CDH8: variants seen among roughly 807,000 people sequenced by gnomAD.
CDH8 encodes cadherin-8.
Under a neutral mutation model 68.1 loss-of-function variants are expected in CDH8, and 17 were observed. The observed-to-expected ratio is 0.25, with a 90% CI of 0.17 to 0.37. The LOEUF is 0.37. CDH8 is among the 10% of genes least tolerant of loss of function. The pLI is 1.00. For synonymous variants in CDH8, 372 were observed against 365.1 expected, an observed-to-expected ratio of 1.02 and a Z score of -0.21; for missense variants, 763 against 999.3, an observed-to-expected ratio of 0.76 and a Z score of 3.19.
chr16:61,971,137 A>T (rs1239811587), intron 2 of CDH8, among the ~76,000 whole-genome samples: 3 of 152,114 alleles, frequency 2.0e-5, no homozygotes, highest in African/African-American at 7.2e-5. Flanking sequence ...CTATCCCAAA[A>T]CTTATAAGAA....
At chr16:62,005,935 T>G (rs970438776) in intron 2 of CDH8, among the ~76,000 whole-genome samples, 1 of 152,142 alleles carries the variant, frequency 6.6e-6, no homozygotes, top group African/African-American at 2.4e-5. Context: ...ACTGGCATGC[T>G]GCAAGATTTA....
intron 8 of CDH8, among the ~76,000 whole-genome samples, chr16:61,763,081 G>A (rs1960507956): frequency 6.6e-6 from 1 of 152,124 alleles, no homozygotes; most frequent in Non-Finnish European, 1.5e-5. Flanking sequence ...CTCATAAGGA[G>A]GCCACCCAGG....
chr16:61,727,378 C>G (rs1959405114), intron 8 of CDH8, among the ~76,000 whole-genome samples, 163 bp from the exon 9 acceptor site: 1 of 150,300 alleles, frequency 6.7e-6, no homozygotes, highest in South Asian at 2.1e-4. Context: ...ATAGCAAGTG[C>G]TTGACTGCTT....
At chr16:61,796,121 A>T (rs1961495077) in intron 7 of CDH8, among the ~76,000 whole-genome samples, 1 of 152,068 alleles carries the variant, frequency 6.6e-6, no homozygotes. Context: ...TAGTACTAAA[A>T]ATATGAGGAA....
chr16:61,707,429 C>A (rs758985355), intron 10 of CDH8, among the ~76,000 whole-genome samples: 11 of 152,090 alleles, frequency 7.2e-5, no homozygotes, highest in Non-Finnish European at 1.6e-4. Context: ...CCTAAATATT[C>A]CTAACTATAA....
intron 10 of CDH8, 50 bp downstream of exon 10, chr16:61,713,791 C>T: frequency 1.0e-6 from 1 of 976,152 alleles, no homozygotes; most frequent in Non-Finnish European, 1.6e-6. Context: ...AAATTGCATC[C>T]TATTTTCCAA....
intron 2 of CDH8, chr16:61,918,310 A>AT (rs1964282887): frequency 6.5e-6 from 1 of 154,968 alleles, no homozygotes; most frequent in East Asian, 1.9e-4. Context: ...ATCAGGGAGG[A>AT]GCCAAGATGG....
At chr16:61,830,483 C>T (rs1272623034) in intron 4 of CDH8, among the ~76,000 whole-genome samples, 1 of 151,696 alleles carries the variant, frequency 6.6e-6, no homozygotes, top group Non-Finnish European at 1.5e-5. Context: ...TCGCTATTTG[C>T]CAGAATAGTT....
chr16:61,778,660 T>C (rs1215609944), intron 8 of CDH8, among the ~76,000 whole-genome samples: 1 of 152,190 alleles, frequency 6.6e-6, no homozygotes, highest in Middle Eastern at 3.2e-3. Context: ...CGTAGTACTA[T>C]CATTTTTATT....
chr16:61,882,504 A>G (rs1446614644), intron 3 of CDH8, among the ~76,000 whole-genome samples: 1 of 152,186 alleles, frequency 6.6e-6, no homozygotes, highest in Non-Finnish European at 1.5e-5. Context: ...CTACTTCTCA[A>G]CAGTTCCAAA....
intron 8 of CDH8, among the ~76,000 whole-genome samples, chr16:61,748,273 T>C (rs1349351971): frequency 6.6e-6 from 1 of 152,056 alleles, no homozygotes; most frequent in Non-Finnish European, 1.5e-5. Flanking sequence ...TATTGAACAC[T>C]TATTTTCAGG....
At position 61,647,605 on chromosome 16, in the gene CDH8, T is replaced by C. The variant is rs2142724489; in HGVS notation, c.*6003A>G. On this transcript the variant is annotated 3_prime_UTR_variant, in exon 12 of 12. Coordinates refer to ENST00000577390, the MANE Select transcript of CDH8 (RefSeq NM_001796.5). The stretch of plus-strand genomic sequence containing the variant: ...CATGTACAGAAGAAATCCCAAGAAA[T>C]TAACATTTGGCTTTGGGGGGTGATC... 2 of 550,706 alleles carry C rather than the reference T, an allele frequency of 3.6e-6. No homozygotes were observed. Among genetic ancestry groups the C allele is most frequent in the East Asian group, 3.0e-5 (1 of 32,870 alleles). 34.1% of individuals were successfully genotyped at this position (550,706 alleles called of 1,614,324 possible).
At chr16:61,745,760 T>C (rs1275769078) in intron 8 of CDH8, among the ~76,000 whole-genome samples, 1 of 152,020 alleles carries the variant, frequency 6.6e-6, no homozygotes, top group African/African-American at 2.4e-5. Context: ...TTATCTATTT[T>C]CTTGGACATG....
chr16:61,837,454 T>C (rs1194219350), intron 4 of CDH8, among the ~76,000 whole-genome samples: 3 of 152,036 alleles, frequency 2.0e-5, no homozygotes, highest in Non-Finnish European at 4.4e-5. Context: ...TGAGCATACT[T>C]AGCCACTGAC....
At chr16:61,749,239 C>G (rs1043849560) in intron 8 of CDH8, among the ~76,000 whole-genome samples, 1 of 151,924 alleles carries the variant, frequency 6.6e-6, no homozygotes, top group Non-Finnish European at 1.5e-5. Flanking sequence ...GAGCTTTGAG[C>G]AAGACCAATA....
intron 2 of CDH8, among the ~76,000 whole-genome samples, chr16:61,990,548 C>T (rs545111965): frequency 1.1e-4 from 17 of 152,062 alleles, no homozygotes; most frequent in African/African-American, 3.6e-4. Flanking sequence ...CACAGTGGCT[C>T]GTACCTGTAA....
intron 2 of CDH8, among the ~76,000 whole-genome samples, chr16:62,008,439 T>C (rs1285643285): frequency 2.6e-5 from 4 of 152,136 alleles, no homozygotes; most frequent in African/African-American, 9.7e-5. Flanking sequence ...AGCTTTTTTT[T>C]GCTTGTGTCT....
chr16:61,886,101 G>T (rs1023415358), intron 3 of CDH8, among the ~76,000 whole-genome samples: 4 of 152,072 alleles, frequency 2.6e-5, no homozygotes, highest in African/African-American at 9.7e-5. Flanking sequence ...AGGATTTAAC[G>T]TTTCAGCTCA....
chr16:61,890,274 G>GA, intron 3 of CDH8, among the ~76,000 whole-genome samples: 1 of 152,170 alleles, frequency 6.6e-6, no homozygotes, highest in African/African-American at 2.4e-5. Flanking sequence ...GATATAACAG[G>GA]AAAAAATTAA....
Sources: allele counts gnomAD v4.1 joint callset (sites outside exome capture counted in the v4.1 genomes callset), GRCh38; gene constraint gnomAD v4.1.1; transcripts MANE v1.5; gene names NCBI Gene and HGNC (gene_info 2026-07-23, HGNC 2026-07-21).